Variants in NRG3 observed in about 807,000 individuals in gnomAD.
The protein encoded by NRG3 is pro-neuregulin-3, membrane-bound isoform.
A neutral mutation model predicts 66.9 loss-of-function variants in NRG3; 31 were observed. The ratio of observed to expected loss-of-function variants is 0.46; its 90% CI spans 0.35 to 0.63. NRG3 has a LOEUF of 0.63. Ranked by LOEUF, NRG3 falls within the 20% of genes least tolerant of loss-of-function variation. The probability of loss-of-function intolerance (pLI) is 0.00; values close to 1 mark genes in which losing one functional copy is unlikely to be tolerated. For synonymous variants in NRG3, 393 were observed against 359.4 expected (o/e 1.09, Z -1.06); for missense variants, 910 against 878.9 (o/e 1.04, Z -0.45).
chr10:82,353,789 A>G (rs2083586339), intron 1 of NRG3, among the ~76,000 whole-genome samples: 1 of 152,034 alleles, frequency 6.6e-6, no homozygotes, highest in African/African-American at 2.4e-5. Context: ...GCTCATCTTA[A>G]TCCTAACACT....
chr10:82,090,085 A>G (rs1001092802), intron 1 of NRG3, among the ~76,000 whole-genome samples: 1 of 152,212 alleles, frequency 6.6e-6, no homozygotes, highest in Admixed American at 6.5e-5. Context: ...TTGACATTAC[A>G]TACTGTAGTG....
intron 2 of NRG3, among the ~76,000 whole-genome samples, chr10:82,719,673 C>G (rs1181574878): frequency 6.6e-6 from 1 of 152,196 alleles, no homozygotes; most frequent in African/African-American, 2.4e-5. Context: ...ACTTTAGTCT[C>G]TGTGACTCAG....
At chr10:82,650,893 C>G (rs1415449555) in intron 2 of NRG3, among the ~76,000 whole-genome samples, 1 of 152,120 alleles carries the variant, frequency 6.6e-6, no homozygotes, top group African/African-American at 2.4e-5. Flanking sequence ...CACACAGAGC[C>G]TAGATTTTTA....
chr10:82,138,223 C>T (rs971803808), intron 1 of NRG3, among the ~76,000 whole-genome samples: 1 of 152,004 alleles, frequency 6.6e-6, no homozygotes, highest in Non-Finnish European at 1.5e-5. Context: ...TTCTTCTTGT[C>T]CCCAGCCCTC....
At chr10:82,017,336 C>T (rs1312525144) in intron 1 of NRG3, among the ~76,000 whole-genome samples, 6 of 152,180 alleles carry the variant, frequency 3.9e-5, no homozygotes, top group Non-Finnish European at 7.3e-5. Flanking sequence ...TCCAGTCTAT[C>T]ATTGTTGGAC....
chr10:82,045,069 T>A (rs2063216681), intron 1 of NRG3, among the ~76,000 whole-genome samples: 2 of 150,196 alleles, frequency 1.3e-5, no homozygotes, highest in African/African-American at 4.9e-5. Context: ...TATAGTCCTT[T>A]GGGTATATAC....
At chr10:82,654,470 C>T (rs1347706076) in intron 2 of NRG3, among the ~76,000 whole-genome samples, 1 of 152,098 alleles carries the variant, frequency 6.6e-6, no homozygotes, top group Non-Finnish European at 1.5e-5. Flanking sequence ...TCTTTGAAAA[C>T]AAAATTACTC....
chr10:82,102,662 G>C (rs2066832777), intron 1 of NRG3, among the ~76,000 whole-genome samples: 1 of 151,670 alleles, frequency 6.6e-6, no homozygotes, highest in Non-Finnish European at 1.5e-5. Flanking sequence ...AGTATGTGTA[G>C]GTGTTTATAT....
intron 1 of NRG3, among the ~76,000 whole-genome samples, chr10:81,908,174 T>C (rs1451946964): frequency 6.6e-6 from 1 of 152,190 alleles, no homozygotes; most frequent in African/African-American, 2.4e-5. Context: ...TATATAGAAT[T>C]AATATTATTG....
At chr10:81,878,029 A>G in intron 1 of NRG3, 4 of 1,537,414 alleles carry the variant, frequency 2.6e-6, no homozygotes, top group Middle Eastern at 1.7e-4. Context: ...CGGTAGGGGT[A>G]TTTCATGTTC....
chr10:82,370,743 G>C (rs147688940), intron 2 of NRG3, among the ~76,000 whole-genome samples: 2 of 151,962 alleles, frequency 1.3e-5, no homozygotes, highest in Non-Finnish European at 2.9e-5. Flanking sequence ...ATGTACCTAC[G>C]TATTACTTGA....
intron 3 of NRG3, among the ~76,000 whole-genome samples, chr10:82,764,822 A>G (rs1340692982): frequency 2.0e-5 from 3 of 152,162 alleles, no homozygotes; most frequent in Non-Finnish European, 2.9e-5. Flanking sequence ...CTATGAAGCT[A>G]TGTTTTGGGC....
chr10:82,761,206 C>A (rs1170245844), intron 3 of NRG3, among the ~76,000 whole-genome samples: 1 of 151,918 alleles, frequency 6.6e-6, no homozygotes, highest in African/African-American at 2.4e-5. Context: ...AAAGTTAAAG[C>A]AAACTGACTT....
chr10:82,911,041 G>A (rs1845271635), intron 4 of NRG3, among the ~76,000 whole-genome samples: 1 of 152,174 alleles, frequency 6.6e-6, no homozygotes, highest in Non-Finnish European at 1.5e-5. Context: ...AAAAATCATT[G>A]TCATTCTTTA....
rs758331747 is a variant in NRG3, at chr10:82,536,849, TTTA to T, written c.953+177988_953+177990del. ...TTATAGTGCAAATTATTAAATAATT[TTTA>T]TTATTAAATATTTTTATTATTAAAT... is the stretch of plus-strand genomic sequence containing the variant. On this transcript the variant is annotated intron_variant, in intron 2 of 8. Transcript: ENST00000372141. 1.7e-4 allele frequency among the ~76,000 whole-genome samples: 25 copies of T among 151,490 alleles called. No individual in the cohort carries two copies. The East Asian group carries it at 2.9e-3, about 18-fold the overall frequency.
rs539897834 is a variant in NRG3, at chr10:82,614,250, A to G, written c.954-124327A>G. Among the ~76,000 whole-genome samples, 17 of 152,294 alleles carry G rather than the reference A, an allele frequency of 1.1e-4. No homozygotes were observed. In the South Asian group the frequency reaches 3.5e-3, roughly 32 times the overall value. ...ATGTGGACCACTTTGTTGAGCACTC[A>G]TATTTCATGGGAGGCAAGTTTGAAA... On this transcript the variant is annotated intron_variant, in intron 2 of 8. Transcript: ENST00000372141.
At chr10:82,857,402 G>GT (rs2063867038) in intron 3 of NRG3, among the ~76,000 whole-genome samples, 1 of 152,094 alleles carries the variant, frequency 6.6e-6, no homozygotes. Flanking sequence ...TAGAAAAGTG[G>GT]TTTTCCCTCC....
At chr10:82,568,201 A>G (rs1271585695) in intron 2 of NRG3, among the ~76,000 whole-genome samples, 1 of 151,842 alleles carries the variant, frequency 6.6e-6, no homozygotes. Flanking sequence ...CTTGATAAGG[A>G]ATAAAGAGGC....
chr10:82,790,453 G>A lies in NRG3; in HGVS notation c.1027+51803G>A, dbSNP rs368366553. ...TAATAGGAAGCCTGCTACTAATCTC[G>A]TTGGAAATCATATGCGATGACTCCT... is the stretch of plus-strand genomic sequence containing the variant. On this transcript the variant is annotated intron_variant, in intron 3 of 8. Transcript: ENST00000372141. Among the ~76,000 whole-genome samples the A allele has an allele frequency of 2.6e-4, 40 of 152,010 alleles. 1 individual carries two copies. Among genetic ancestry groups the A allele is most frequent in the Admixed American group, 2.2e-3 (33 of 15,268 alleles).
Sources: allele counts gnomAD v4.1 joint callset (sites outside exome capture counted in the v4.1 genomes callset), GRCh38; gene constraint gnomAD v4.1.1; transcripts MANE v1.5; gene names NCBI Gene and HGNC (gene_info 2026-07-23, HGNC 2026-07-21).